GABBR2: variants seen among roughly 807,000 people sequenced by gnomAD.
GABBR2 encodes the protein gamma-aminobutyric acid type B receptor subunit 2, also known as G-protein coupled receptor 51.
In GABBR2, 23 loss-of-function variants were observed where a neutral mutation model predicts 105.6. The ratio of observed to expected loss-of-function variants is 0.22; its 90% CI spans 0.16 to 0.31. The LOEUF (loss-of-function observed/expected upper bound fraction) is 0.31, where lower values mean the gene tolerates loss of function less well. GABBR2 is among the 10% of genes least tolerant of loss of function. The pLI is 1.00. For synonymous variants in GABBR2, 478 were observed against 499.7 expected, an observed-to-expected ratio of 0.96 and a Z score of 0.58; for missense variants, 734 against 1,245.5, an observed-to-expected ratio of 0.59 and a Z score of 6.18.
intron 14 of GABBR2, among the ~76,000 whole-genome samples, chr9:98,310,337 C>T (rs1217863719): frequency 6.6e-6 from 1 of 152,008 alleles, no homozygotes; most frequent in African/African-American, 2.4e-5. Context: ...CAACCTCTGC[C>T]TCCCGGGTTC....
At chr9:98,457,411 A>C in intron 6 of GABBR2, among the ~76,000 whole-genome samples, 1 of 152,184 alleles carries the variant, frequency 6.6e-6, no homozygotes, top group East Asian at 1.9e-4. Flanking sequence ...TGTAATTTTA[A>C]ACTTCCTTGA....
At chr9:98,468,567 GAACAT>G (rs1254516121) in intron 6 of GABBR2, among the ~76,000 whole-genome samples, 1 of 152,140 alleles carries the variant, frequency 6.6e-6, no homozygotes, top group African/African-American at 2.4e-5. Context: ...AACCCATGAT[GAACAT>G]AACATCAAAA....
chr9:98,638,775 C>A (rs1829916790), intron 1 of GABBR2, among the ~76,000 whole-genome samples: 1 of 152,114 alleles, frequency 6.6e-6, no homozygotes, highest in Admixed American at 6.5e-5. Flanking sequence ...GGTAATCACC[C>A]CAGCACCTGG....
intron 5 of GABBR2, 129 bp from the exon 6 acceptor site, chr9:98,473,475 G>C (rs941549094): frequency 3.2e-6 from 2 of 624,756 alleles, no homozygotes; most frequent in African/African-American, 3.7e-5. Flanking sequence ...TTACTTGTTT[G>C]GTTTCTTCCT....
chr9:98,471,815 T>C (rs1207939004), intron 6 of GABBR2, among the ~76,000 whole-genome samples: 1 of 152,222 alleles, frequency 6.6e-6, no homozygotes, highest in Non-Finnish European at 1.5e-5. Context: ...TCTTAATAAA[T>C]TGCAAAATTT....
At chr9:98,629,228 CTTTA>C (rs1829785528) in intron 1 of GABBR2, among the ~76,000 whole-genome samples, 1 of 152,138 alleles carries the variant, frequency 6.6e-6, no homozygotes, top group African/African-American at 2.4e-5. Flanking sequence ...TGATGTGCCT[CTTTA>C]TTTACAAAGG....
chr9:98,391,700 G>C (rs1378603375), intron 9 of GABBR2, among the ~76,000 whole-genome samples: 1 of 152,204 alleles, frequency 6.6e-6, no homozygotes, highest in East Asian at 1.9e-4. Flanking sequence ...GGACAGTTGA[G>C]GAACTGTAAG....
chr9:98,494,324 T>C (rs1827233949), intron 4 of GABBR2, among the ~76,000 whole-genome samples: 1 of 152,160 alleles, frequency 6.6e-6, no homozygotes, highest in Admixed American at 6.5e-5. Context: ...GGGATTTCAA[T>C]TTTTAAATAA....
chr9:98,618,351 C>T (rs559435683), intron 1 of GABBR2, among the ~76,000 whole-genome samples: 19 of 152,136 alleles, frequency 1.2e-4, no homozygotes, highest in Middle Eastern at 6.8e-3. Flanking sequence ...GGTTTGTGCG[C>T]GGTATTTAAT....
intron 2 of GABBR2, among the ~76,000 whole-genome samples, chr9:98,566,669 C>T (rs765991112): frequency 5.3e-5 from 8 of 151,288 alleles, no homozygotes; most frequent in Non-Finnish European, 8.8e-5. Context: ...ACTGAGACTC[C>T]GTCTCAAAAA....
chr9:98,363,417 T>C (rs1267926011), intron 12 of GABBR2, among the ~76,000 whole-genome samples: 2 of 152,242 alleles, frequency 1.3e-5, no homozygotes, highest in Non-Finnish European at 2.9e-5. Context: ...ATTGTTATTA[T>C]TCTTATTTTA....
chr9:98,624,119 G>A (rs937981458), intron 1 of GABBR2, among the ~76,000 whole-genome samples: 1 of 152,234 alleles, frequency 6.6e-6, no homozygotes, highest in Non-Finnish European at 1.5e-5. Flanking sequence ...GGACAGTAAG[G>A]AGGGCAAGGC....
intron 6 of GABBR2, among the ~76,000 whole-genome samples, chr9:98,465,178 T>C (rs920632213): frequency 2.4e-4 from 15 of 63,574 alleles, no homozygotes; most frequent in African/African-American, 8.0e-4. Flanking sequence ...GCTTATTAAA[T>C]AAACAATCAA....
intron 12 of GABBR2, among the ~76,000 whole-genome samples, chr9:98,366,710 G>A (rs898563030): frequency 8.5e-5 from 13 of 152,172 alleles, no homozygotes; most frequent in African/African-American, 2.7e-4. Flanking sequence ...CTCTCCTGTC[G>A]TCTTTAGATG....
At chr9:98,434,588 A>G (rs1007275754) in intron 7 of GABBR2, among the ~76,000 whole-genome samples, 2 of 152,188 alleles carry the variant, frequency 1.3e-5, no homozygotes, top group Non-Finnish European at 2.9e-5. Flanking sequence ...GATGTGCACA[A>G]TCGGCTCTCA....
intron 12 of GABBR2, among the ~76,000 whole-genome samples, chr9:98,370,142 T>A (rs898020859): frequency 6.6e-6 from 1 of 152,014 alleles, no homozygotes; most frequent in Non-Finnish European, 1.5e-5. Flanking sequence ...GTGCAAAGGA[T>A]GAAGGAATGC....
In GABBR2 at chr9:98,447,063, C is replaced by CTTTTTTTTTTTTTTTT. The variant is rs369338702; in HGVS notation, c.1236+6902_1236+6917dup. Among the ~76,000 whole-genome samples, 67 of 116,324 alleles carry CTTTTTTTTTTTTTTTT rather than the reference C, an allele frequency of 5.8e-4. 2 individuals carry two copies. Among genetic ancestry groups the CTTTTTTTTTTTTTTTT allele is most frequent in the African/African-American group, 2.0e-3 (57 of 28,618 alleles). 76.3% of individuals were successfully genotyped at this position (116,324 alleles called of 152,430 possible). A position where few individuals can be genotyped will look rare whatever the true frequency, so the allele number is the denominator to read the frequency against. On this transcript the variant is annotated intron_variant, in intron 7 of 18. Transcript: ENST00000259455. The stretch of plus-strand genomic sequence containing the variant: ...CCCAGATTCAACCTAAAAAAGACTT[C>CTTTTTTTTTTTTTTTT]TTTTTTTTTTTTTTTTGAGACGGAG...
chr9:98,368,265 C>T (rs1036909863), intron 12 of GABBR2, among the ~76,000 whole-genome samples: 1 of 150,066 alleles, frequency 6.7e-6, no homozygotes, highest in Admixed American at 6.6e-5. Context: ...ACATCATTAC[C>T]CTTAAAAACA....
chr9:98,695,090 G>A (rs533054221), intron 1 of GABBR2, among the ~76,000 whole-genome samples: 1 of 152,318 alleles, frequency 6.6e-6, no homozygotes, highest in East Asian at 1.9e-4. Context: ...GTTCCACTTA[G>A]GGGCCCAGTT....
Sources: gnomAD v4.1 joint callset for allele counts (sites outside exome capture counted in the v4.1 genomes callset) on GRCh38, gnomAD v4.1.1 for gene constraint, MANE v1.5 for transcripts, NCBI Gene and HGNC (gene_info 2026-07-23, HGNC 2026-07-21) for gene names.